The following EBAG9 variants were observed in gnomAD, a reference collection of about 807,000 sequenced individuals.
The protein encoded by EBAG9 is estrogen receptor binding site associated antigen 9.
Under a neutral mutation model 30.9 loss-of-function variants are expected in EBAG9, and 16 were observed. The observed-to-expected ratio is 0.52, with a 90% CI of 0.35 to 0.79. EBAG9 has a LOEUF of 0.79. EBAG9 is among the 30% of genes least tolerant of loss of function. The pLI, the probability that EBAG9 is intolerant of heterozygous loss-of-function variation, is 0.01. For missense variants in EBAG9, 197 were observed against 242.1 expected (o/e 0.81, Z 1.24); for synonymous variants, 93 against 82.8 (o/e 1.12, Z -0.67).
intron 1 of EBAG9, among the ~76,000 whole-genome samples, chr8:109,544,552 A>G (rs890163555): frequency 3.3e-5 from 5 of 152,220 alleles, no homozygotes; most frequent in Admixed American, 3.3e-4. Flanking sequence ...CGTATTCTCC[A>G]GCTGTTCCAA....
At chr8:109,559,418 A>G (rs1821667811) in intron 5 of EBAG9, among the ~76,000 whole-genome samples, 2 of 152,182 alleles carry the variant, frequency 1.3e-5, no homozygotes, top group South Asian at 4.1e-4. Context: ...TGATCACACC[A>G]CTACACTCCA....
chr8:109,548,835 C>T lies in EBAG9; in HGVS notation c.-15-1975C>T, dbSNP rs1366530076. On this transcript the variant is annotated intron_variant, in intron 1 of 6. Coordinates refer to ENST00000337573, the MANE Select transcript of EBAG9 (RefSeq NM_004215.5). ...CACATAGAATATCACACTTTTATTT[C>T]TGCCTTTCCATTCTGGATGCCTTTT... Among the ~76,000 whole-genome samples the T allele has an allele frequency of 2.0e-5, 3 of 149,396 alleles. No individual in the cohort carries two copies. The East Asian group carries it at 5.9e-4, about 29-fold the overall frequency.
At chr8:109,563,486 T>G (rs767007861) in intron 6 of EBAG9, 4 of 1,597,384 alleles carry the variant, frequency 2.5e-6, no homozygotes, top group East Asian at 2.2e-5. Context: ...TCAGTAAAGA[T>G]AGAGAGAGTG....
intron 1 of EBAG9, among the ~76,000 whole-genome samples, chr8:109,548,311 C>T (rs905747423): frequency 6.6e-6 from 1 of 151,788 alleles, no homozygotes; most frequent in Non-Finnish European, 1.5e-5. Context: ...TTTGTATATA[C>T]GTGGGTCTAT....
At chr8:109,550,783 A>AT (rs1177541591) in intron 1 of EBAG9, 27 bp from the exon 2 acceptor site, 2 of 1,344,678 alleles carry the variant, frequency 1.5e-6, no homozygotes, top group Non-Finnish European at 2.1e-6. Context: ...AATTTAATGC[A>AT]TTTTTTGTTT....
At chr8:109,554,984 T>TA in intron 4 of EBAG9, 97 bp downstream of exon 4, 6 of 1,303,938 alleles carry the variant, frequency 4.6e-6, no homozygotes, top group Non-Finnish European at 6.3e-6. Context: ...AAAGCCTATT[T>TA]CTTTTTTTTT....
Position 109,564,687 on chromosome 8 carries a change from C to G in EBAG9, c.*128C>G. ...ATTTTAATACATTGATCAGGCCATC[C>G]AGGACACCACGATTCTCCCAAAGTA... On this transcript the variant is annotated 3_prime_UTR_variant, in exon 7 of 7. Transcript: ENST00000337573. 3.7e-5 allele frequency: 48 copies of G among 1,313,320 alleles called. No homozygotes were observed. Among genetic ancestry groups the G allele is most frequent in the Middle Eastern group, 2.1e-4 (1 of 4,778 alleles). The allele number at this position is 1,313,320 out of a possible 1,614,324, so 81.4% of individuals were successfully genotyped here. A position where few individuals can be genotyped will look rare whatever the true frequency, so the allele number is the denominator to read the frequency against.
At chr8:109,554,439 T>C (rs151078265) in intron 3 of EBAG9, among the ~76,000 whole-genome samples, 4 of 152,282 alleles carry the variant, frequency 2.6e-5, no homozygotes, top group East Asian at 1.9e-4. Context: ...CTTCTGTGAG[T>C]TGTAGTTTTA....
In EBAG9 at chr8:109,560,234, C is replaced by T. The variant is rs561037926; in HGVS notation, c.430-604C>T. Among the ~76,000 whole-genome samples the T allele has an allele frequency of 2.6e-5, 4 of 152,122 alleles. No individual in the cohort carries two copies. In the East Asian group the frequency reaches 5.8e-4, roughly 22 times the overall value. ...AGAGGTAGGGACCAGTAGATGATACCAGGTAAGAAAGACTGGGAAAAGGAA... is the reference window on the plus strand; with the variant it reads ...AGAGGTAGGGACCAGTAGATGATACTAGGTAAGAAAGACTGGGAAAAGGAA... On this transcript the variant is annotated intron_variant, in intron 5 of 6. Transcript: ENST00000337573.
intron 5 of EBAG9, chr8:109,557,705 A>T: frequency 2.2e-6 from 1 of 455,920 alleles, no homozygotes; most frequent in Non-Finnish European, 4.4e-6. Context: ...GGTGGTTCTA[A>T]CTCAGAATTT....
intron 4 of EBAG9, 26 bp from the exon 5 acceptor site, chr8:109,556,909 T>A: frequency 7.4e-7 from 1 of 1,351,228 alleles, no homozygotes; most frequent in South Asian, 1.4e-5. Context: ...AAGATCCCTA[T>A]AATTCTTTTT....
intron 1 of EBAG9, among the ~76,000 whole-genome samples, chr8:109,543,042 T>C (rs1470498641): frequency 6.6e-6 from 1 of 151,906 alleles, no homozygotes; most frequent in African/African-American, 2.4e-5. Context: ...GAGTCAGCAT[T>C]GTTGCATGAT....
In EBAG9 at chr8:109,550,873, A is replaced by G. The variant is rs1216243089; in HGVS notation, c.49A>G (p.Thr17Ala). The change falls in exon 2 of 7, where the codon ACA becomes GCA. Residue 17 changes from threonine to alanine, a missense_variant. Transcript: ENST00000337573. ...ATTTAAATTTTGTACCTGCCTAGCA[A>G]CAGTATTCTCATTCCTAAAGAGATT... ...RLFKFCTCLA[T>A]VFSFLKRLIC... is the part of the protein sequence containing the mutation. 12 of 1,599,482 alleles carry G rather than the reference A, an allele frequency of 7.5e-6. No individual in the cohort carries two copies. Among genetic ancestry groups the G allele is most frequent in the Admixed American group, 1.7e-5 (1 of 59,148 alleles).
intron 1 of EBAG9, among the ~76,000 whole-genome samples, chr8:109,543,135 C>CTTTTTTTTTTTTTTTTTT (rs557388998): frequency 3.8e-5 from 2 of 52,856 alleles, no homozygotes; most frequent in African/African-American, 8.1e-5. Context: ...TATTCTGGTT[C>CTTTTTTTTTTTTTTTTTT]TTTTTTTTTT....
At chr8:109,563,647 A>C in intron 6 of EBAG9, 1 of 1,117,454 alleles carries the variant, frequency 8.9e-7, no homozygotes, top group Non-Finnish European at 1.2e-6. Context: ...TACACAGGTA[A>C]ACATGTGTCA....
At chr8:109,547,704 T>C (rs1421656806) in intron 1 of EBAG9, among the ~76,000 whole-genome samples, 2 of 151,992 alleles carry the variant, frequency 1.3e-5, no homozygotes, top group African/African-American at 4.8e-5. Context: ...ATGGTCTTGA[T>C]CTCCTGACCT....
chr8:109,553,869 G>A lies in EBAG9; in HGVS notation c.88G>A (p.Gly30Ser). ...SFLKRLICRS[G>S]RGRKLSGDQI... ...ATTATTTCATTTTTGTTTCAGATCT[G>A]GCAGAGGACGGAAATTAAGTGGAGA... The change falls in exon 3 of 7, where the codon GGC becomes AGC. Residue 30 changes from glycine to serine, a missense_variant. By Grantham distance (56) the Gly-to-Ser change is moderately conservative (BLOSUM62 0). Coordinates refer to ENST00000337573, the MANE Select transcript of EBAG9 (RefSeq NM_004215.5). The A allele has an allele frequency of 6.2e-7, 1 of 1,606,628 alleles. No homozygotes were observed. Among genetic ancestry groups the A allele is most frequent in the Non-Finnish European group, 8.5e-7 (1 of 1,177,548 alleles).
rs1260679093 is a variant in EBAG9, at chr8:109,564,600, G to T, written c.*41G>T. The T allele has an allele frequency of 1.2e-6, 2 of 1,606,236 alleles. No homozygotes were observed. Among genetic ancestry groups the T allele is most frequent in the South Asian group, 2.2e-5 (2 of 90,480 alleles). On this transcript the variant is annotated 3_prime_UTR_variant, in exon 7 of 7. Coordinates refer to ENST00000337573, the MANE Select transcript of EBAG9 (RefSeq NM_004215.5). ...TATCATGCCAGTAGGAGAAATCTCA[G>T]CTCCACAACCCAAGCAACATTTGTA...
At chr8:109,553,118 A>G (rs944174789) in intron 2 of EBAG9, among the ~76,000 whole-genome samples, 5 of 151,506 alleles carry the variant, frequency 3.3e-5, no homozygotes, top group South Asian at 4.2e-4. Context: ...AATTATCTCT[A>G]TTACCTGCCA....
Sources: allele counts gnomAD v4.1 joint callset (sites outside exome capture counted in the v4.1 genomes callset), GRCh38; gene constraint gnomAD v4.1.1; transcripts MANE v1.5; gene names NCBI Gene and HGNC (gene_info 2026-07-23, HGNC 2026-07-21).